The following CNOT3 variants were observed in gnomAD, a reference collection of about 807,000 sequenced individuals.
CNOT3 encodes CCR4-NOT transcription complex subunit 3.
Under a neutral mutation model 89.4 loss-of-function variants are expected in CNOT3, and 2 were observed. The observed-to-expected ratio is 0.02, with a 90% CI of 0.01 to 0.07. CNOT3 has a LOEUF of 0.07. Among genes scored for constraint, CNOT3 ranks in the 10% least tolerant of loss-of-function variants. The pLI, the probability that CNOT3 is intolerant of heterozygous loss-of-function variation, is 1.00. For synonymous variants in CNOT3, 486 were observed against 402.0 expected (o/e 1.21, Z -2.50); for missense variants, 664 against 1,010.2 (o/e 0.66, Z 4.65).
rs754467152 is a variant in CNOT3, at chr19:54,145,923, C to T, written c.717C>T (p.Val239=). 8.1e-6 allele frequency: 13 copies of T among 1,613,594 alleles called. No individual in the cohort carries two copies. Among genetic ancestry groups the T allele is most frequent in the South Asian group, 2.2e-5 (2 of 91,050 alleles). Residue 239 remains valine, a synonymous_variant, in exon 9 of 18, where the codon GTC becomes GTT. Transcript: ENST00000221232. This position sits in a 1 kb window ranked among gnomAD's most constrained non-coding sequence, Gnocchi z 5.9. ...CTGCCCCCACAGCACAGGCGCTGGT[C>T]GCCACCTCCCCCCCCAGCCACAGCC... ...LDLEDIPQAL[V]ATSPPSHSHM...
chr19:54,144,470 G>A lies in CNOT3; in HGVS notation c.483+138G>A. 1.5e-6 allele frequency: 1 copy of A among 676,952 alleles called. No individual in the cohort carries two copies. Among genetic ancestry groups the A allele is most frequent in the East Asian group, 2.7e-5 (1 of 36,902 alleles). The allele number at this position is 676,952 out of a possible 1,614,324, so 41.9% of individuals were successfully genotyped here. ...GGACAGGGCCAACAGCCGGGATTAGGGATTTGAGAGACAGGATTGGGAGGG... is the reference window on the plus strand; with the variant it reads ...GGACAGGGCCAACAGCCGGGATTAGAGATTTGAGAGACAGGATTGGGAGGG... On this transcript the variant is annotated intron_variant, in intron 7 of 17. Coordinates refer to ENST00000221232, the MANE Select transcript of CNOT3 (RefSeq NM_014516.4). The surrounding 1 kb of genome is among the most constrained non-coding windows in gnomAD (Gnocchi z 4.8).
At position 54,144,818 on chromosome 19, in the gene CNOT3, G is replaced by A. The variant is rs1223920380; in HGVS notation, c.483+486G>A. On this transcript the variant is annotated intron_variant, in intron 7 of 17. Coordinates refer to ENST00000221232, the MANE Select transcript of CNOT3 (RefSeq NM_014516.4). This position sits in a 1 kb window ranked among gnomAD's most constrained non-coding sequence, Gnocchi z 4.8. ...GTTGGGGTCCCAGGTTCTAAAATCC[G>A]GGATTGTGGGGTATGAGTTCAAAGG... 2.6e-5 allele frequency among the ~76,000 whole-genome samples: 4 copies of A among 152,252 alleles called. No individual in the cohort carries two copies. Among genetic ancestry groups the A allele is most frequent in the South Asian group, 4.1e-4 (2 of 4,828 alleles).
rs370908621 is a variant in CNOT3, at chr19:54,144,363, T to C, written c.483+31T>C. 50 of 1,542,972 alleles carry C rather than the reference T, an allele frequency of 3.2e-5. No individual in the cohort carries two copies. Among genetic ancestry groups the C allele is most frequent in the Non-Finnish European group, 3.8e-5 (42 of 1,116,568 alleles). ...TGAGGGAGACCCGACACCTTTGGGA[T>C]GGGGATGGGCATGGGAATGGGCTGG... On this transcript the variant is annotated intron_variant, in intron 7 of 17. Coordinates refer to ENST00000221232, the MANE Select transcript of CNOT3 (RefSeq NM_014516.4). The surrounding 1 kb of genome is among the most constrained non-coding windows in gnomAD (Gnocchi z 4.8).
At position 54,148,491 on chromosome 19, in the gene CNOT3, A is replaced by G; in HGVS notation, c.1238A>G (p.Asn413Ser). Residue 413 changes from asparagine to serine, a missense_variant, in exon 11 of 18, where the codon AAC becomes AGC. Physicochemically the swap from Asn to Ser is conservative, Grantham distance 46. Around this residue, in one of 8 missense-constraint regions of CNOT3, gnomAD observed 545 missense variants for 566.2 expected, o/e 0.96. Coordinates refer to ENST00000221232, the MANE Select transcript of CNOT3 (RefSeq NM_014516.4). The surrounding 1 kb of genome is among the most constrained non-coding windows in gnomAD (Gnocchi z 6.3). ...GGCGGAGGGAGCAGCAGCAGTAGTA[A>G]CAGCAGTGCCGGTGGAGGGGCTGGC... ...SGGGGSSSSS[N>S]SSAGGGAGKQ... 6.4e-7 allele frequency: 1 copy of G among 1,560,654 alleles called. No individual in the cohort carries two copies. The highest frequency in any genetic ancestry group is 8.7e-7 in the Non-Finnish European group (1 of 1,150,310).
rs776291421 is a variant in CNOT3 at position 54,155,439 on chromosome 19, C to T, written c.*32C>T. On this transcript the variant is annotated 3_prime_UTR_variant, in exon 18 of 18. Transcript: ENST00000221232. ...CCCCTCCCTCTACCCACCCCCTTCC[C>T]CCGCATGCTGATCCCCCTGCCCAGG... 7.4e-5 allele frequency: 106 copies of T among 1,435,634 alleles called. No homozygotes were observed. Among genetic ancestry groups the T allele is most frequent in the Non-Finnish European group, 9.9e-5 (103 of 1,043,172 alleles). 88.9% of individuals were successfully genotyped at this position (1,435,634 alleles called of 1,614,324 possible). A position where few individuals can be genotyped will look rare whatever the true frequency, so the allele number is the denominator to read the frequency against.
At chr19:54,153,967 C>T (rs2075283748) in intron 17 of CNOT3, 127 bp downstream of exon 17, 2 of 1,191,822 alleles carry the variant, frequency 1.7e-6, no homozygotes, top group Non-Finnish European at 2.5e-6. Flanking sequence ...TCAGCCTGAC[C>T]AAGTACTCCT....
intron 1 of CNOT3, among the ~76,000 whole-genome samples, chr19:54,138,224 CG>C (rs1185246365): frequency 1.3e-5 from 2 of 151,980 alleles, no homozygotes; most frequent in East Asian, 1.9e-4. Flanking sequence ...CAGCGCCTCC[CG>C]GGGGTCCTTC....
intron 17 of CNOT3, chr19:54,155,050 G>GGCTGGGGCCCCGTTCTGGCA: frequency 1.8e-6 from 1 of 544,270 alleles, no homozygotes; most frequent in South Asian, 2.2e-5. Context: ...TCACACCTGG[G>GGCTGGGGCCCCGTTCTGGCA]GCTGGGGCCC....
intron 16 of CNOT3, 99 bp from the exon 17 acceptor site, chr19:54,153,616 C>CG: frequency 2.2e-6 from 2 of 891,660 alleles, no homozygotes; most frequent in Admixed American, 3.4e-5. Context: ...TGGTCTGTGG[C>CG]GGGGGCCGGG....
At chr19:54,143,935 AG>A in intron 5 of CNOT3, 70 bp from the exon 6 acceptor site, 1 of 1,568,502 alleles carries the variant, frequency 6.4e-7, no homozygotes, top group Non-Finnish European at 8.6e-7. Context: ...CTCAGGTCGG[AG>A]TGTCTGCTGG....
chr19:54,149,881 C>A, intron 13 of CNOT3, 123 bp downstream of exon 13: 1 of 1,005,714 alleles, frequency 9.9e-7, no homozygotes, highest in Non-Finnish European at 1.4e-6. Context: ...TTTCTGTCCC[C>A]TTCTCACACT....
At chr19:54,149,485 TC>T in intron 12 of CNOT3, 74 bp from the exon 13 acceptor site, 1 of 920,572 alleles carries the variant, frequency 1.1e-6, no homozygotes. Context: ...CTCCCCTCTC[TC>T]CAGCCAGGCC....
intron 12 of CNOT3, 104 bp from the exon 13 acceptor site, chr19:54,149,456 C>A (rs945865606): frequency 1.6e-6 from 1 of 633,586 alleles, no homozygotes; most frequent in Non-Finnish European, 2.6e-6. Flanking sequence ...CCTCTCAGAT[C>A]CCATCTGATC....
Position 54,152,916 on chromosome 19 carries a change from A to C in CNOT3, c.1954A>C (p.Met652Leu). 2.0e-6 allele frequency: 3 copies of C among 1,538,096 alleles called. No homozygotes were observed. Among genetic ancestry groups the C allele is most frequent in the Non-Finnish European group, 2.6e-6 (3 of 1,132,908 alleles). ...PCPTPPYHHQ[M>L]PPPHSDTVEF... ...TCCGACGCCCCCCTACCACCACCAG[A>C]TGCCACCCCCACACTCGGACACTGT... Residue 652 changes from methionine (M) to leucine (L), a missense_variant, in exon 16 of 18, where the codon ATG (methionine) becomes CTG (leucine). Met to Leu is a conservative substitution (Grantham distance 15). This residue lies in a region of CNOT3 where 545 missense variants were observed against 566.2 expected (regional missense o/e 0.96). Coordinates refer to ENST00000221232, the MANE Select transcript of CNOT3 (RefSeq NM_014516.4).
chr19:54,151,658 G>A (rs1188019210), intron 13 of CNOT3, among the ~76,000 whole-genome samples: 1 of 152,182 alleles, frequency 6.6e-6, no homozygotes, highest in East Asian at 1.9e-4. Context: ...GAAGCCTGCT[G>A]TAACCTTTGT....
chr19:54,149,893 G>T, intron 13 of CNOT3, 135 bp downstream of exon 13: 1 of 933,584 alleles, frequency 1.1e-6, no homozygotes, highest in Non-Finnish European at 1.6e-6. Flanking sequence ...TCTCACACTT[G>T]CTCTTTCTCC....
Position 54,148,304 on chromosome 19 carries a change from A to G in CNOT3, c.1051A>G (p.Ser351Gly). 2 of 1,608,324 alleles carry G rather than the reference A, an allele frequency of 1.2e-6. No homozygotes were observed. The highest frequency in any genetic ancestry group is 1.7e-6 in the Non-Finnish European group (2 of 1,176,988). ...GGTCCCCGCCCCCGCAGCACCCCCA[A>G]GTGCCCTGGGCCCCAAGGCCAGTCC... is the stretch of plus-strand genomic sequence containing the variant. ...NGVPAPAAPPSALGPKASPAP... is the reference protein window; with the variant it reads ...NGVPAPAAPPGALGPKASPAP... Residue 351 changes from serine to glycine, a missense_variant, in exon 11 of 18, where the codon AGT (serine) becomes GGT (glycine). Coordinates refer to ENST00000221232, the MANE Select transcript of CNOT3 (RefSeq NM_014516.4). This position sits in a 1 kb window ranked among gnomAD's most constrained non-coding sequence, Gnocchi z 6.3.
intron 16 of CNOT3, 88 bp downstream of exon 16, chr19:54,153,087 G>A: frequency 7.0e-7 from 1 of 1,429,688 alleles, no homozygotes; most frequent in South Asian, 1.2e-5. Context: ...GGTGAGGTGG[G>A]TGCCCCACTG....
chr19:54,143,219 T>C (rs1278795886), intron 3 of CNOT3, 33 bp downstream of exon 3: 1 of 1,594,278 alleles, frequency 6.3e-7, no homozygotes. Context: ...AATCTGGGTC[T>C]TCAGAGAGGA....
Sources: gnomAD v4.1 joint callset for allele counts (sites outside exome capture counted in the v4.1 genomes callset) on GRCh38, gnomAD v4.1.1 for gene constraint, gnomAD v4.1.1 regional missense constraint, Gnocchi (gnomAD v3.1) non-coding constraint, MANE v1.5 for transcripts, NCBI Gene and HGNC (gene_info 2026-07-23, HGNC 2026-07-21) for gene names.